TPM3: variants seen among roughly 807,000 people sequenced by gnomAD.
TPM3 encodes tropomyosin 3, also known as tropomyosin alpha-3 chain.
Under a neutral mutation model 43.1 loss-of-function variants are expected in TPM3, and 16 were observed. That is an observed-to-expected ratio of 0.37 (90% confidence interval 0.25 to 0.56). The LOEUF is 0.56. TPM3 is among the 20% of genes least tolerant of loss of function. The pLI is 0.77. For synonymous variants in TPM3, 101 were observed against 116.9 expected (o/e 0.86, Z 0.88); for missense variants, 176 against 337.2 (o/e 0.52, Z 3.74).
At chr1:154,184,564 TC>T (rs1663312032) in intron 2 of TPM3, among the ~76,000 whole-genome samples, 1 of 152,020 alleles carries the variant, frequency 6.6e-6, no homozygotes, top group Admixed American at 6.6e-5. Flanking sequence ...CACTTACAAT[TC>T]CTTTTGTAGG....
chr1:154,181,903 AGAGT>A (rs1377514157), intron 2 of TPM3, among the ~76,000 whole-genome samples: 1 of 152,136 alleles, frequency 6.6e-6, no homozygotes, highest in African/African-American at 2.4e-5. Flanking sequence ...CCTGAGCGAC[AGAGT>A]GAGACTCTGT....
At position 154,183,949 on chromosome 1, in the gene TPM3, T is replaced by C. The variant is rs150311528; in HGVS notation, c.243+7237A>G. On this transcript the variant is annotated intron_variant, in intron 2 of 9. Transcript: ENST00000651641. ...ATCACAACTCACTACAGCTTCGAAC[T>C]CCTGGGCTCAAGCGAGCCTCCTACC... is the stretch of plus-strand genomic sequence containing the variant. 7 of 144,624 alleles carry C rather than the reference T, an allele frequency of 4.8e-5. No individual in the cohort carries two copies. In the East Asian group the frequency reaches 1.5e-3, roughly 32 times the overall value. 9.0% of individuals were successfully genotyped at this position (144,624 alleles called of 1,614,324 possible).
chr1:154,174,642 G>A (rs1244919508), intron 3 of TPM3, among the ~76,000 whole-genome samples: 2 of 149,566 alleles, frequency 1.3e-5, no homozygotes, highest in East Asian at 2.0e-4. Flanking sequence ...TTACAGGCGC[G>A]CCCCACCACG....
At chr1:154,172,534 A>C (rs1661715488) in intron 5 of TPM3, 1 of 480,832 alleles carries the variant, frequency 2.1e-6, no homozygotes, top group Admixed American at 2.6e-5. Flanking sequence ...CTGGGACTAC[A>C]GGTTTGAGCC....
At chr1:154,183,210 C>T in intron 2 of TPM3, 1 of 1,571,846 alleles carries the variant, frequency 6.4e-7, no homozygotes, top group Non-Finnish European at 8.6e-7. Flanking sequence ...GCCTGCTACG[C>T]CCTGAAATAC....
rs886045295 is a variant in TPM3, at chr1:154,163,412, C to A, written c.*4525G>T. Among the ~76,000 whole-genome samples, 2 of 152,116 alleles carry A rather than the reference C, an allele frequency of 1.3e-5. No homozygotes were observed. The highest frequency in any genetic ancestry group is 2.4e-5 in the African/African-American group (1 of 41,412). ...TTCCTACCAATACACTCTTTTGCCCCTGAAAATGACTCCTCCTCTTCACTT... is the reference window on the plus strand; with the variant it reads ...TTCCTACCAATACACTCTTTTGCCCATGAAAATGACTCCTCCTCTTCACTT... On this transcript the variant is annotated 3_prime_UTR_variant, in exon 10 of 10. Transcript: ENST00000651641.
At chr1:154,155,429 T>C (rs1659698373), downstream of TPM3, 2 of 269,222 alleles carry the variant, frequency 7.4e-6, no homozygotes, top group South Asian at 8.0e-5. Context: ...TTAGCATTGG[T>C]CCATGCCTAT....
In TPM3 at chr1:154,162,281, C is replaced by G. The variant is rs1227365542; in HGVS notation, c.*5656G>C. On this transcript the variant is annotated 3_prime_UTR_variant, in exon 10 of 10. Transcript: ENST00000651641. Reference sequence around the variant, plus strand: ...TCAGGAGGCTGAGGCAGGAGGATCACTTAAACCCAGGAGGCGGAGCTTGCA... The same window carrying G: ...TCAGGAGGCTGAGGCAGGAGGATCAGTTAAACCCAGGAGGCGGAGCTTGCA... 6.8e-6 allele frequency among the ~76,000 whole-genome samples: 1 copy of G among 146,272 alleles called. No individual in the cohort carries two copies. Among genetic ancestry groups the G allele is most frequent in the African/African-American group, 2.5e-5 (1 of 39,896 alleles).
At chr1:154,174,407 T>TATATATATATATATACAC (rs1261318136) in intron 3 of TPM3, among the ~76,000 whole-genome samples, 30 of 72,678 alleles carry the variant, frequency 4.1e-4, no homozygotes, top group East Asian at 5.8e-4. Flanking sequence ...TATATATATA[T>TATATATATATATATACAC]ACACACAAAA....
At chr1:154,169,488 G>C in intron 8 of TPM3, 105 bp from the exon 9 acceptor site, 2 of 1,143,260 alleles carry the variant, frequency 1.7e-6, no homozygotes, top group Non-Finnish European at 2.6e-6. Flanking sequence ...GTGTGACTGT[G>C]GGTCTAATAC....
At chr1:154,158,923 T>C (rs779338096), downstream of TPM3, 23 of 778,028 alleles carry the variant, frequency 3.0e-5, no homozygotes, top group Admixed American at 6.8e-5. Flanking sequence ...AGGTCAGTGG[T>C]GTGAGCAGTA....
chr1:154,165,753 A>G lies in TPM3; in HGVS notation c.*2184T>C, dbSNP rs1199972894. On this transcript the variant is annotated 3_prime_UTR_variant, in exon 10 of 10. Transcript: ENST00000651641. ...GCAGTGAGCTGAGATCAGGCCACTGAACTCCAGCCTAGGTGACAAGAGTCA... is the reference window on the plus strand; with the variant it reads ...GCAGTGAGCTGAGATCAGGCCACTGGACTCCAGCCTAGGTGACAAGAGTCA... Among the ~76,000 whole-genome samples, 1 of 150,486 alleles carries G rather than the reference A, an allele frequency of 6.6e-6. No homozygotes were observed. The highest frequency in any genetic ancestry group is 1.5e-5 in the Non-Finnish European group (1 of 67,584).
chr1:154,166,272 G>C lies in TPM3; in HGVS notation c.*1665C>G, dbSNP rs1660946660. The C allele has an allele frequency of 4.4e-6, 1 of 229,332 alleles. No individual in the cohort carries two copies. Among genetic ancestry groups the C allele is most frequent in the African/African-American group, 2.2e-5 (1 of 45,102 alleles). The allele number at this position is 229,332 out of a possible 1,614,324, so 14.2% of individuals were successfully genotyped here. Reference sequence around the variant, plus strand: ...AGATGGAATCTTGCTGTGTTGCCCAGGCTGGAGTACTACAGTGGCTATTTA... The same window carrying C: ...AGATGGAATCTTGCTGTGTTGCCCACGCTGGAGTACTACAGTGGCTATTTA... On this transcript the variant is annotated 3_prime_UTR_variant, in exon 10 of 10. Coordinates refer to ENST00000651641, the MANE Select transcript of TPM3 (RefSeq NM_152263.4).
chr1:154,182,959 C>T (rs1663129583), intron 2 of TPM3: 1 of 1,610,470 alleles, frequency 6.2e-7, no homozygotes, highest in African/African-American at 1.3e-5. Flanking sequence ...GCGCCTGCCC[C>T]TCCCTCATGA....
intron 2 of TPM3, among the ~76,000 whole-genome samples, chr1:154,183,411 C>T (rs1463451799): frequency 6.6e-6 from 1 of 152,166 alleles, no homozygotes. Flanking sequence ...GGAGTGTTAC[C>T]ATGGTAACTG....
intron 2 of TPM3, chr1:154,187,358 T>A: frequency 1.0e-6 from 1 of 984,808 alleles, no homozygotes; most frequent in Non-Finnish European, 1.2e-6. Context: ...AAACCTTTCT[T>A]CTTGCTTGCT....
At position 154,164,917 on chromosome 1, in the gene TPM3, C is replaced by T. The variant is rs915278514; in HGVS notation, c.*3020G>A. Among the ~76,000 whole-genome samples, 1 of 152,246 alleles carries T rather than the reference C, an allele frequency of 6.6e-6. No individual in the cohort carries two copies. Among genetic ancestry groups the T allele is most frequent in the Non-Finnish European group, 1.5e-5 (1 of 68,040 alleles). On this transcript the variant is annotated 3_prime_UTR_variant, in exon 10 of 10. Transcript: ENST00000651641. Reference sequence around the variant, plus strand: ...TTCTTATATGTTATTCAGATCACAACATATCCTATTCAAAATCTCCAGTGG... The same window carrying T: ...TTCTTATATGTTATTCAGATCACAATATATCCTATTCAAAATCTCCAGTGG...
chr1:154,173,277 C>T (rs1661811790), intron 3 of TPM3, 76 bp from the exon 4 acceptor site: 5 of 1,275,904 alleles, frequency 3.9e-6, no homozygotes, highest in Non-Finnish European at 5.7e-6. Flanking sequence ...GGTCTCAGAA[C>T]TGTACTTTTA....
chr1:154,163,267 A>G lies in TPM3; in HGVS notation c.*4670T>C, dbSNP rs1454738334. Among the ~76,000 whole-genome samples, 1 of 152,224 alleles carries G rather than the reference A, an allele frequency of 6.6e-6. No homozygotes were observed. The highest frequency in any genetic ancestry group is 1.9e-4 in the East Asian group (1 of 5,204). On this transcript the variant is annotated 3_prime_UTR_variant, in exon 10 of 10. Coordinates refer to ENST00000651641, the MANE Select transcript of TPM3 (RefSeq NM_152263.4). ...AAATACAATTAAATTTTAGCCCCTC[A>G]GCCACACTAGCCATGTTTTGAGTGC...
Sources: allele counts gnomAD v4.1 joint callset (sites outside exome capture counted in the v4.1 genomes callset), GRCh38; gene constraint gnomAD v4.1.1; transcripts MANE v1.5; gene names NCBI Gene and HGNC (gene_info 2026-07-23, HGNC 2026-07-21).